The following ARL8B variants were observed in gnomAD, a reference collection of about 807,000 sequenced individuals.
ARL8B encodes the protein ADP-ribosylation factor-like protein 8B.
In ARL8B, 9 loss-of-function variants were observed where a neutral mutation model predicts 30.6. The ratio of observed to expected loss-of-function variants is 0.29; its 90% confidence interval spans 0.18 to 0.51. The LOEUF (loss-of-function observed/expected upper bound fraction) is 0.51, where lower values mean the gene tolerates loss of function less well. ARL8B is among the 20% of genes least tolerant of loss of function. The pLI is 0.97. For missense variants in ARL8B, 130 were observed against 227.2 expected, an observed-to-expected ratio of 0.57 and a Z score of 2.75; for synonymous variants, 74 against 76.0, an observed-to-expected ratio of 0.97 and a Z score of 0.14.
At chr3:5,125,712 T>G (rs1380541397) in intron 1 of ARL8B, among the ~76,000 whole-genome samples, 1 of 152,138 alleles carries the variant, frequency 6.6e-6, no homozygotes, top group Non-Finnish European at 1.5e-5. Flanking sequence ...TTTGTATTTT[T>G]AGTAGAGACG....
In ARL8B at chr3:5,161,067, G is replaced by C. The variant is rs371961143; in HGVS notation, c.124-9436G>C. Among the ~76,000 whole-genome samples the C allele has an allele frequency of 1.2e-4, 18 of 152,310 alleles. No homozygotes were observed. The East Asian group carries it at 2.1e-3, about 18-fold the overall frequency. The stretch of plus-strand genomic sequence containing the variant: ...CCAAGTAGCTTGGGACCGCAGGCAT[G>C]CCCCATCACACCTGGCAAATGTTTG... On this transcript the variant is annotated intron_variant, in intron 1 of 6. Coordinates refer to ENST00000256496, the MANE Select transcript of ARL8B (RefSeq NM_018184.3).
chr3:5,156,836 C>CCCCG, intron 1 of ARL8B: 2 of 152,350 alleles, frequency 1.3e-5, no homozygotes, highest in African/African-American at 4.8e-5. Flanking sequence ...TGATCCCTGT[C>CCCCG]CCTGCCTCCC....
intron 1 of ARL8B, among the ~76,000 whole-genome samples, chr3:5,147,193 T>A (rs192423615): frequency 6.6e-6 from 1 of 152,166 alleles, no homozygotes; most frequent in East Asian, 1.9e-4. Flanking sequence ...CGACAGGCCC[T>A]GGTATGTGAT....
intron 1 of ARL8B, among the ~76,000 whole-genome samples, chr3:5,154,362 C>G (rs2106563839): frequency 8.4e-6 from 1 of 119,394 alleles, no homozygotes; most frequent in East Asian, 2.2e-4. Context: ...GAGACAGGGT[C>G]TCGCTGTGTT....
intron 1 of ARL8B, among the ~76,000 whole-genome samples, chr3:5,146,557 C>T (rs1231920598): frequency 6.6e-6 from 1 of 152,112 alleles, no homozygotes; most frequent in Non-Finnish European, 1.5e-5. Flanking sequence ...GATTTTTAAC[C>T]CTCTGCTGTT....
At chr3:5,131,256 A>G (rs551210603) in intron 1 of ARL8B, among the ~76,000 whole-genome samples, 112 of 152,266 alleles carry the variant, frequency 7.4e-4, no homozygotes, top group Non-Finnish European at 1.2e-3. Context: ...ATGCCAATAC[A>G]TGGACTTCAT....
chr3:5,159,419 A>G lies in ARL8B; in HGVS notation c.124-11084A>G, dbSNP rs2054560817. Among the ~76,000 whole-genome samples the G allele has an allele frequency of 2.0e-5, 3 of 151,668 alleles. No homozygotes were observed. The South Asian group carries it at 6.2e-4, about 31-fold the overall frequency. On this transcript the variant is annotated intron_variant, in intron 1 of 6. Transcript: ENST00000256496. ...GGAGTTCAAGACCAGCCTGACCAAT[A>G]TGGAGAAACCCTGTCTCTACTGAAA...
At chr3:5,171,747 C>T (rs547749592) in intron 2 of ARL8B, among the ~76,000 whole-genome samples, 24 of 152,292 alleles carry the variant, frequency 1.6e-4, no homozygotes, top group African/African-American at 2.6e-4. Context: ...ACAAATCAGA[C>T]GATTAAGACT....
At chr3:5,166,348 GTTTTTTTTT>G (rs576653836) in intron 1 of ARL8B, among the ~76,000 whole-genome samples, 1 of 99,184 alleles carries the variant, frequency 1.0e-5, no homozygotes, top group Non-Finnish European at 2.0e-5. Context: ...GGTATCTTTC[GTTTTTTTTT>G]TTTTTTTTTT....
At chr3:5,165,625 A>G (rs2054617229) in intron 1 of ARL8B, among the ~76,000 whole-genome samples, 1 of 152,150 alleles carries the variant, frequency 6.6e-6, no homozygotes, top group South Asian at 2.1e-4. Flanking sequence ...CTGTCTTCAC[A>G]AAGTGGCTTG....
At chr3:5,139,633 G>T (rs1009450505) in intron 1 of ARL8B, among the ~76,000 whole-genome samples, 1 of 152,202 alleles carries the variant, frequency 6.6e-6, no homozygotes, top group Non-Finnish European at 1.5e-5. Flanking sequence ...GCCACTGATG[G>T]ATACTGCAGT....
At chr3:5,126,018 T>G (rs1331162452) in intron 1 of ARL8B, among the ~76,000 whole-genome samples, 5 of 152,086 alleles carry the variant, frequency 3.3e-5, no homozygotes, top group Admixed American at 1.3e-4. Flanking sequence ...GATTTGTCAA[T>G]TAAAAGTAAT....
intron 1 of ARL8B, among the ~76,000 whole-genome samples, chr3:5,129,741 G>T (rs1559274822): frequency 6.6e-6 from 1 of 152,038 alleles, no homozygotes; most frequent in Admixed American, 6.6e-5. Context: ...TTTGCTGCTG[G>T]GTGTGGTGGC....
chr3:5,170,417 G>A (rs768436803), intron 1 of ARL8B, 86 bp from the exon 2 acceptor site: 56 of 797,722 alleles, frequency 7.0e-5, no homozygotes, highest in Middle Eastern at 2.4e-4. Context: ...TTACTAAAAT[G>A]GTTACAAATG....
rs189324664 is a variant in ARL8B, at chr3:5,125,436, C to T, written c.123+2848C>T. ...GGGGAAAGTAATCGCATCATGTGTT[C>T]CCCCCTGCCCCGCCCCCACCATTAG... On this transcript the variant is annotated intron_variant, in intron 1 of 6. Coordinates refer to ENST00000256496, the MANE Select transcript of ARL8B (RefSeq NM_018184.3). Among the ~76,000 whole-genome samples, 7 of 149,848 alleles carry T rather than the reference C, an allele frequency of 4.7e-5. No homozygotes were observed. In the East Asian group the frequency reaches 1.2e-3, roughly 26 times the overall value.
intron 1 of ARL8B, among the ~76,000 whole-genome samples, chr3:5,162,689 T>A (rs576692098): frequency 2.6e-5 from 4 of 152,326 alleles, no homozygotes; most frequent in African/African-American, 9.6e-5. Context: ...AGCACTTTCT[T>A]TAGAAACAAA....
chr3:5,128,120 GCGACTGCA>G (rs2054248562), intron 1 of ARL8B, among the ~76,000 whole-genome samples: 1 of 139,326 alleles, frequency 7.2e-6, no homozygotes, highest in Non-Finnish European at 1.5e-5. Flanking sequence ...CCGAAATTGA[GCGACTGCA>G]CTCCAGCCTG....
chr3:5,166,347 CGTT>C (rs1371886837), intron 1 of ARL8B, among the ~76,000 whole-genome samples: 11 of 93,166 alleles, frequency 1.2e-4, no homozygotes, highest in African/African-American at 5.7e-4. Flanking sequence ...TGGTATCTTT[CGTT>C]TTTTTTTTTT....
At chr3:5,166,992 A>G (rs1055622790) in intron 1 of ARL8B, among the ~76,000 whole-genome samples, 4 of 152,112 alleles carry the variant, frequency 2.6e-5, no homozygotes, top group African/African-American at 9.7e-5. Context: ...AAGTGACTGG[A>G]GATACTCTTC....
Sources: allele counts gnomAD v4.1 joint callset (sites outside exome capture counted in the v4.1 genomes callset), GRCh38; gene constraint gnomAD v4.1.1; transcripts MANE v1.5; gene names NCBI Gene and HGNC (gene_info 2026-07-23, HGNC 2026-07-21).